TAFA1: variants seen among roughly 807,000 people sequenced by gnomAD.
The protein encoded by TAFA1 is TAFA chemokine like family member 1, also known as chemokine-like protein TAFA-1.
A neutral mutation model predicts 18.5 loss-of-function variants in TAFA1; 4 were observed. That is an observed-to-expected ratio of 0.22 (90% CI 0.11 to 0.49). The LOEUF (loss-of-function observed/expected upper bound fraction) is 0.49. Among genes scored for constraint, TAFA1 ranks in the 20% least tolerant of loss-of-function variants. TAFA1 has a pLI of 0.98. For synonymous variants in TAFA1, 56 were observed against 55.2 expected (o/e 1.01, Z -0.06); for missense variants, 147 against 169.0 (o/e 0.87, Z 0.72).
intron 2 of TAFA1, among the ~76,000 whole-genome samples, chr3:68,110,826 GA>G (rs138995326): frequency 0.029 from 4,301 of 150,890 alleles, 87 homozygotes; most frequent in East Asian, 0.1. Flanking sequence ...CTTGGAAAAT[GA>G]AAAAAAAACT....
At chr3:68,018,419 A>G (rs879823052) in intron 2 of TAFA1, among the ~76,000 whole-genome samples, 3 of 152,258 alleles carry the variant, frequency 2.0e-5, no homozygotes, top group East Asian at 1.9e-4. Context: ...AGGAAGCTGC[A>G]TAACTCTAAC....
At chr3:68,075,671 C>T (rs1324108659) in intron 2 of TAFA1, among the ~76,000 whole-genome samples, 1 of 150,738 alleles carries the variant, frequency 6.6e-6, no homozygotes, top group African/African-American at 2.4e-5. Flanking sequence ...GGTGATGGAC[C>T]AAGAACGACT....
intron 2 of TAFA1, among the ~76,000 whole-genome samples, chr3:68,305,772 G>C (rs1180794015): frequency 1.3e-5 from 2 of 151,914 alleles, no homozygotes; most frequent in Admixed American, 1.3e-4. Context: ...AAGTTGTTAA[G>C]GACAAAAACT....
In TAFA1 at chr3:68,413,864, A is replaced by G. The variant is rs2070763413; in HGVS notation, c.119-3416A>G. Reference sequence around the variant, plus strand: ...CTGATTAAGTGACATTTGAGCAATGATGGAGTGAGGAGTGGGTGAGCCAGA... The same window carrying G: ...CTGATTAAGTGACATTTGAGCAATGGTGGAGTGAGGAGTGGGTGAGCCAGA... On this transcript the variant is annotated intron_variant, in intron 2 of 4. Coordinates refer to ENST00000478136, the MANE Select transcript of TAFA1 (RefSeq NM_213609.4). Among the ~76,000 whole-genome samples the G allele has an allele frequency of 2.0e-5, 3 of 152,082 alleles. 1 individual carries two copies. In the South Asian group the frequency reaches 6.2e-4, roughly 32 times the overall value.
At chr3:68,457,749 A>G (rs747659158) in intron 3 of TAFA1, among the ~76,000 whole-genome samples, 14 of 152,132 alleles carry the variant, frequency 9.2e-5, no homozygotes, top group Non-Finnish European at 1.5e-4. Flanking sequence ...TCAATTTCTA[A>G]CTGAAATTTT....
intron 2 of TAFA1, among the ~76,000 whole-genome samples, chr3:68,406,286 A>T (rs1018712261): frequency 2.6e-5 from 4 of 152,144 alleles, no homozygotes; most frequent in African/African-American, 9.7e-5. Flanking sequence ...GCCCTAAAGG[A>T]TAGCACTGGT....
chr3:68,324,637 C>T (rs1257930162), intron 2 of TAFA1, among the ~76,000 whole-genome samples: 1 of 152,072 alleles, frequency 6.6e-6, no homozygotes, highest in East Asian at 1.9e-4. Context: ...CATTTGTTGC[C>T]ATTACGAAAC....
At chr3:68,488,645 G>GGC (rs1430849719) in intron 3 of TAFA1, among the ~76,000 whole-genome samples, 2 of 152,074 alleles carry the variant, frequency 1.3e-5, no homozygotes, top group Non-Finnish European at 2.9e-5. Context: ...TCTGCATAAT[G>GGC]GCAATAAGAT....
intron 2 of TAFA1, among the ~76,000 whole-genome samples, chr3:68,413,558 A>G (rs74280251): frequency 0.025 from 3,856 of 152,270 alleles, 78 homozygotes; most frequent in East Asian, 0.093. Flanking sequence ...TCTTTCAACT[A>G]CTTTGAAAAT....
chr3:68,388,735 A>G (rs371575350), intron 2 of TAFA1, among the ~76,000 whole-genome samples: 2 of 152,202 alleles, frequency 1.3e-5, no homozygotes, highest in East Asian at 1.9e-4. Context: ...TAAAAAAGAC[A>G]TTCTACTTTT....
intron 2 of TAFA1, among the ~76,000 whole-genome samples, chr3:68,275,452 A>G (rs2067776263): frequency 6.6e-6 from 1 of 151,704 alleles, no homozygotes; most frequent in Admixed American, 6.6e-5. Flanking sequence ...AAGCAAGATC[A>G]TGTGCATTGT....
intron 3 of TAFA1, among the ~76,000 whole-genome samples, chr3:68,454,086 G>T (rs150827971): frequency 6.6e-6 from 1 of 152,296 alleles, no homozygotes; most frequent in African/African-American, 2.4e-5. Context: ...GACTGCAATT[G>T]TGTTGTTAAA....
intron 2 of TAFA1, among the ~76,000 whole-genome samples, chr3:68,019,664 TA>T (rs1255194770): frequency 6.6e-6 from 1 of 152,284 alleles, no homozygotes; most frequent in Middle Eastern, 3.4e-3. Flanking sequence ...GTCTTTCAAA[TA>T]AAACTTGCTA....
At chr3:68,341,437 A>G (rs1055666620) in intron 2 of TAFA1, among the ~76,000 whole-genome samples, 2 of 152,302 alleles carry the variant, frequency 1.3e-5, no homozygotes, top group African/African-American at 2.4e-5. Context: ...AGGTTTTACA[A>G]TAGTGATGTT....
chr3:68,086,482 T>G (rs1272967309), intron 2 of TAFA1, among the ~76,000 whole-genome samples: 1 of 152,252 alleles, frequency 6.6e-6, no homozygotes, highest in South Asian at 2.1e-4. Context: ...GATTGTTGCA[T>G]GTTAAAACAG....
intron 2 of TAFA1, among the ~76,000 whole-genome samples, chr3:68,133,340 G>T (rs1369756833): frequency 6.6e-6 from 1 of 152,064 alleles, no homozygotes; most frequent in African/African-American, 2.4e-5. Flanking sequence ...CAATTATCTT[G>T]GCTATATGGG....
At chr3:68,500,466 A>G (rs1204613969) in intron 3 of TAFA1, among the ~76,000 whole-genome samples, 1 of 152,144 alleles carries the variant, frequency 6.6e-6, no homozygotes, top group African/African-American at 2.4e-5. Context: ...CAGACCAGCA[A>G]TAACAAACAG....
chr3:68,426,109 T>C (rs1053487634), intron 3 of TAFA1, among the ~76,000 whole-genome samples: 1 of 151,548 alleles, frequency 6.6e-6, no homozygotes, highest in Non-Finnish European at 1.5e-5. Context: ...ATATATATAA[T>C]CTGTTGTGAA....
At chr3:68,523,401 C>T (rs1341919819) in intron 3 of TAFA1, among the ~76,000 whole-genome samples, 1 of 152,182 alleles carries the variant, frequency 6.6e-6, no homozygotes, top group Non-Finnish European at 1.5e-5. Context: ...AGCACATAAG[C>T]TGCCAACTTT....
Sources: gnomAD v4.1 joint callset for allele counts (sites outside exome capture counted in the v4.1 genomes callset) on GRCh38, gnomAD v4.1.1 for gene constraint, MANE v1.5 for transcripts, NCBI Gene and HGNC (gene_info 2026-07-23, HGNC 2026-07-21) for gene names.